Variants in MEA1 observed in about 807,000 individuals in gnomAD.
MEA1 encodes the protein male-enhanced antigen 1.
Under a neutral mutation model 21.4 loss-of-function variants are expected in MEA1, and 22 were observed. The ratio of observed to expected loss-of-function variants is 1.03; its 90% confidence interval spans 0.73 to 1.47. The LOEUF (loss-of-function observed/expected upper bound fraction) is 1.47, where lower values mean the gene tolerates loss of function less well. MEA1 is among the 40% of genes most tolerant of loss of function. The pLI, the probability that MEA1 is intolerant of heterozygous loss-of-function variation, is 0.00. For missense variants in MEA1, 233 were observed against 230.5 expected (o/e 1.01, Z -0.07); for synonymous variants, 91 against 85.5 (o/e 1.06, Z -0.35).
upstream of MEA1, among the ~76,000 whole-genome samples, chr6:43,016,208 C>T (rs1045262840): frequency 6.6e-6 from 1 of 152,192 alleles, no homozygotes; most frequent in Non-Finnish European, 1.5e-5. Context: ...GCTGGGATTA[C>T]AGGTGTGAGC....
upstream of MEA1, chr6:43,016,545 T>A (rs1384761032): frequency 6.6e-6 from 1 of 152,436 alleles, no homozygotes; most frequent in African/African-American, 2.4e-5. Flanking sequence ...TGTGAGGGGC[T>A]AACCAACCGC....
At position 43,013,842 on chromosome 6, in the gene MEA1, G is replaced by C; in HGVS notation, c.-29C>G. The C allele has an allele frequency of 6.4e-7, 1 of 1,572,982 alleles. No individual in the cohort carries two copies. Among genetic ancestry groups the C allele is most frequent in the African/African-American group, 1.4e-5 (1 of 73,010 alleles). ...CTCCCCTCAAATGGCCCCAGCTGCA[G>C]CGTCCCCCACCCGCCCCCATCCGAA... On this transcript the variant is annotated 5_prime_UTR_variant, in exon 1 of 4. Coordinates refer to ENST00000244711, the MANE Select transcript of MEA1 (RefSeq NM_014623.4).
At chr6:43,016,415 C>T (rs1762575840), upstream of MEA1, 1 of 152,310 alleles carries the variant, frequency 6.6e-6, no homozygotes, top group Admixed American at 6.5e-5. Context: ...TAAGCATACA[C>T]ATACCTTTCT....
At position 43,012,916 on chromosome 6, in the gene MEA1, G is replaced by A; in HGVS notation, c.406+10C>T. The A allele has an allele frequency of 6.2e-7, 1 of 1,608,946 alleles. No homozygotes were observed. ...AGTAATTATTCCAGAATGAAAGAAT[G>A]ATCTTTTACCTGGGTCCATGGGAAT... On this transcript the variant is annotated intron_variant, in intron 3 of 3. Transcript: ENST00000244711.
chr6:43,013,062 C>CTT (rs1490144829), intron 2 of MEA1, 34 bp from the exon 3 acceptor site: 7 of 1,613,966 alleles, frequency 4.3e-6, no homozygotes, highest in Admixed American at 3.3e-5. Context: ...TGGGTCTAGG[C>CTT]TTTCAGGGAG....
At chr6:43,014,413 G>A (rs1207602994), upstream of MEA1, 1 of 591,142 alleles carries the variant, frequency 1.7e-6, no homozygotes, top group African/African-American at 1.8e-5. Context: ...GTCTGGAGCT[G>A]GAGTGGCGGG....
Position 43,011,213 on chromosome 6 carries a change from T to C in MEA1, c.*1257A>G. ...AGGAAGTCGGAGCTGCCCCAGGACG[T>C]GTACACCATCAAGGCACTGGAGGCG... On this transcript the variant is annotated 3_prime_UTR_variant, in exon 4 of 4. Coordinates refer to ENST00000244711, the MANE Select transcript of MEA1 (RefSeq NM_014623.4). 1 of 1,614,122 alleles carries C rather than the reference T, an allele frequency of 6.2e-7. No individual in the cohort carries two copies. Among genetic ancestry groups the C allele is most frequent in the Non-Finnish European group, 8.5e-7 (1 of 1,180,008 alleles).
chr6:43,013,602 C>A, intron 1 of MEA1, 184 bp downstream of exon 1: 1 of 811,216 alleles, frequency 1.2e-6, no homozygotes, highest in Non-Finnish European at 2.0e-6. Context: ...CAACTTGCTC[C>A]GCCACTTCCT....
chr6:43,015,294 G>A (rs1011114880), upstream of MEA1, among the ~76,000 whole-genome samples: 1 of 151,612 alleles, frequency 6.6e-6, no homozygotes, highest in Non-Finnish European at 1.5e-5. Context: ...GTTGGGGGAG[G>A]TTGGGTGGGT....
upstream of MEA1, chr6:43,013,984 G>A (rs1762486300): frequency 7.0e-7 from 1 of 1,429,008 alleles, no homozygotes; most frequent in South Asian, 1.6e-5. Context: ...ATCCATGATT[G>A]ACGCTGGCGA....
In MEA1 at chr6:43,012,490, C is replaced by T. The variant is rs1429050529; in HGVS notation, c.538G>A (p.Ala180Thr). ...TGTGGTCACTTCCAGGCAGGGGATG[C>T]CTGCCGGGCTTGGAGGGCTTTCTGT... is the stretch of plus-strand genomic sequence containing the variant. ...VVQKALQARQ[A>T]SPAWK Residue 180 changes from alanine to threonine, a missense_variant, in exon 4 of 4, where the codon GCA (alanine) becomes ACA (threonine). Ala to Thr is a moderately conservative substitution (Grantham distance 58, BLOSUM62 0). Transcript: ENST00000244711. The T allele has an allele frequency of 1.2e-6, 2 of 1,601,550 alleles. No homozygotes were observed. Among genetic ancestry groups the T allele is most frequent in the Non-Finnish European group, 1.7e-6 (2 of 1,175,720 alleles).
rs755821600 is a variant in MEA1 at position 43,011,226 on chromosome 6, G to A, written c.*1244C>T. On this transcript the variant is annotated 3_prime_UTR_variant, in exon 4 of 4. Coordinates refer to ENST00000244711, the MANE Select transcript of MEA1 (RefSeq NM_014623.4). ...TGCCCCAGGACGTGTACACCATCAA[G>A]GCACTGGAGGCGCACAAGCGGGCGG... is the stretch of plus-strand genomic sequence containing the variant. 2 of 1,614,124 alleles carry A rather than the reference G, an allele frequency of 1.2e-6. No homozygotes were observed. Among genetic ancestry groups the A allele is most frequent in the Non-Finnish European group, 1.7e-6 (2 of 1,180,022 alleles).
Position 43,013,400 on chromosome 6 carries a change from A to G in MEA1, c.29-11T>C. 2 of 1,610,672 alleles carry G rather than the reference A, an allele frequency of 1.2e-6. No homozygotes were observed. The highest frequency in any genetic ancestry group is 3.3e-5 in the Admixed American group (2 of 59,934). On this transcript the variant is annotated splice_polypyrimidine_tract_variant and intron_variant, in intron 1 of 3. Coordinates refer to ENST00000244711, the MANE Select transcript of MEA1 (RefSeq NM_014623.4). ...CCATCCGGGCAGGGGCTGCAAGAAC[A>G]GGGAGGCGGTAGGACAGGGATCGGA...
chr6:43,014,207 G>A, upstream of MEA1: 1 of 1,311,548 alleles, frequency 7.6e-7, no homozygotes, highest in Non-Finnish European at 1.0e-6. Context: ...ACGACTGCAC[G>A]TGCGCGCACA....
chr6:43,013,113 A>G lies in MEA1; in HGVS notation c.303+2T>C. The G allele has an allele frequency of 6.2e-7, 1 of 1,613,754 alleles. No individual in the cohort carries two copies. The highest frequency in any genetic ancestry group is 8.5e-7 in the Non-Finnish European group (1 of 1,179,954). ...TCAGGAACCATCCCTCCTCCACCCT[A>G]CCTGGATTCGATCCTGGATGTCAGC... On this transcript the variant is annotated splice_donor_variant, in intron 2 of 3. Transcript: ENST00000244711. LOFTEE classifies it high-confidence loss of function.
rs200945532 is a variant in MEA1 at position 43,013,210 on chromosome 6, A to G, written c.208T>C (p.Tyr70His). ...TCAGGATCTTGGTTCAGGGGCTGGTAGGAGTAGCCAGCTGGGCCCGACCCC... is the reference window on the plus strand; with the variant it reads ...TCAGGATCTTGGTTCAGGGGCTGGTGGGAGTAGCCAGCTGGGCCCGACCCC... ...ETGSGPAGYS[Y>H]QPLNQDPEQE... Residue 70 changes from tyrosine (Y) to histidine (H), a missense_variant, in exon 2 of 4, where the codon TAC becomes CAC. By Grantham distance (83) the Tyr-to-His change is moderately conservative. Coordinates refer to ENST00000244711, the MANE Select transcript of MEA1 (RefSeq NM_014623.4). 1.2e-5 allele frequency: 19 copies of G among 1,614,018 alleles called. No individual in the cohort carries two copies. Among genetic ancestry groups the G allele is most frequent in the African/African-American group, 2.7e-5 (2 of 74,888 alleles).
In MEA1 at chr6:43,012,514, G is replaced by A. The variant is rs1433889034; in HGVS notation, c.514C>T (p.Gln172Ter). The change falls in exon 4 of 4, where the codon CAG becomes TAG. Residue 172 changes from glutamine (Q) to a stop codon, truncating the protein, a stop_gained. Transcript: ENST00000244711. LOFTEE classifies it high-confidence loss of function. ...GCCTGCCGGGCTTGGAGGGCTTTCT[G>A]TACCACATCTTCCCACTGGGCATCC... is the stretch of plus-strand genomic sequence containing the variant. ...ISDAQWEDVV[Q>*]KALQARQASP... The A allele has an allele frequency of 6.2e-7, 1 of 1,610,738 alleles. No homozygotes were observed. Among genetic ancestry groups the A allele is most frequent in the African/African-American group, 1.3e-5 (1 of 74,454 alleles).
intron 3 of MEA1, 33 bp downstream of exon 3, chr6:43,012,893 T>C: frequency 6.3e-7 from 1 of 1,578,968 alleles, no homozygotes; most frequent in Non-Finnish European, 8.7e-7. Context: ...ATTTCCTTAG[T>C]AATTATTCCA....
At chr6:43,014,738 C>G, upstream of MEA1, 2 of 391,034 alleles carry the variant, frequency 5.1e-6, no homozygotes, top group East Asian at 7.3e-5. Flanking sequence ...TTTTTCTTTC[C>G]TTAGTGGAGG....
Sources: gnomAD v4.1 joint callset for allele counts (sites outside exome capture counted in the v4.1 genomes callset) on GRCh38, gnomAD v4.1.1 for gene constraint, MANE v1.5 for transcripts, NCBI Gene and HGNC (gene_info 2026-07-23, HGNC 2026-07-21) for gene names.